The following KCNIP4 variants were observed in gnomAD, a reference collection of about 807,000 sequenced individuals.
KCNIP4 encodes the protein potassium voltage-gated channel interacting protein 4.
KCNIP4 carries 12 observed loss-of-function variants against 34.0 expected under a neutral mutation model. That is an observed-to-expected ratio of 0.35 (90% CI 0.23 to 0.57). The LOEUF (loss-of-function observed/expected upper bound fraction) is 0.57. Among genes scored for constraint, KCNIP4 ranks in the 20% least tolerant of loss-of-function variants. The pLI is 0.83. For synonymous variants in KCNIP4, 124 were observed against 102.2 expected, an observed-to-expected ratio of 1.21 and a Z score of -1.29; for missense variants, 238 against 311.7, an observed-to-expected ratio of 0.76 and a Z score of 1.78.
intron 1 of KCNIP4, among the ~76,000 whole-genome samples, chr4:21,532,408 T>C (rs138693303): frequency 7.6e-4 from 116 of 152,308 alleles, no homozygotes; most frequent in Middle Eastern, 3.4e-3. Flanking sequence ...GATACATTTT[T>C]TATTACAACA....
intron 3 of KCNIP4, among the ~76,000 whole-genome samples, chr4:20,832,264 C>T (rs994335840): frequency 3.3e-5 from 5 of 151,890 alleles, no homozygotes; most frequent in Admixed American, 2.0e-4. Flanking sequence ...AGTATGATTT[C>T]GAAAAGTATA....
chr4:20,735,964 C>T (rs1749536354), intron 5 of KCNIP4, among the ~76,000 whole-genome samples: 1 of 152,200 alleles, frequency 6.6e-6, no homozygotes, highest in Non-Finnish European at 1.5e-5. Context: ...TGCATTATAT[C>T]TCCCTTTCTC....
At chr4:20,765,915 A>T (rs559061039) in intron 3 of KCNIP4, among the ~76,000 whole-genome samples, 73 of 152,334 alleles carry the variant, frequency 4.8e-4, no homozygotes, top group Non-Finnish European at 1.0e-3. Context: ...GGTCAAGATT[A>T]GTTGTAGATA....
chr4:21,297,758 G>A (rs1763924543), intron 1 of KCNIP4, among the ~76,000 whole-genome samples: 1 of 143,304 alleles, frequency 7.0e-6, no homozygotes, highest in African/African-American at 2.5e-5. Context: ...TCATTTTTCT[G>A]GGTTCACTAT....
intron 1 of KCNIP4, among the ~76,000 whole-genome samples, chr4:21,463,037 T>G (rs1446932652): frequency 1.3e-5 from 2 of 151,964 alleles, no homozygotes; most frequent in African/African-American, 4.8e-5. Flanking sequence ...TATCCAGCAG[T>G]GGGATTGCTG....
intron 1 of KCNIP4, among the ~76,000 whole-genome samples, chr4:21,200,184 G>T (rs1441065870): frequency 6.6e-6 from 1 of 151,404 alleles, no homozygotes; most frequent in East Asian, 2.0e-4. Flanking sequence ...AGAATTTAAA[G>T]TATTAAAAAA....
chr4:21,184,026 C>T (rs1403569368), intron 1 of KCNIP4, among the ~76,000 whole-genome samples: 1 of 152,008 alleles, frequency 6.6e-6, no homozygotes, highest in African/African-American at 2.4e-5. Flanking sequence ...TATATTGCTG[C>T]TTGTTTTCTT....
Position 21,704,663 on chromosome 4 carries a change from T to C in KCNIP4, c.61+243908A>G, listed in dbSNP as rs972862320. Among the ~76,000 whole-genome samples, 6 of 152,174 alleles carry C rather than the reference T, an allele frequency of 3.9e-5. No individual in the cohort carries two copies. The East Asian group carries it at 1.2e-3, about 29-fold the overall frequency. On this transcript the variant is annotated intron_variant, in intron 1 of 8. Coordinates refer to ENST00000382152, the MANE Select transcript of KCNIP4 (RefSeq NM_025221.6). ...GCAGACTAAAACTACAATGAGTTAT[T>C]ACTACACATCTATTAGAATGGCTAA...
At chr4:21,860,032 C>T (rs995560330) in intron 1 of KCNIP4, among the ~76,000 whole-genome samples, 6 of 152,216 alleles carry the variant, frequency 3.9e-5, no homozygotes, top group East Asian at 1.9e-4. Flanking sequence ...CTGAGAGAGA[C>T]GCTATCTAAA....
chr4:21,489,810 C>A (rs1450598966), intron 1 of KCNIP4, among the ~76,000 whole-genome samples: 1 of 151,990 alleles, frequency 6.6e-6, no homozygotes, highest in Admixed American at 6.6e-5. Context: ...TCTTTAATCC[C>A]AAACTGTTCA....
intron 1 of KCNIP4, among the ~76,000 whole-genome samples, chr4:21,446,692 AACATGGC>A (rs1728027833): frequency 6.6e-6 from 1 of 151,940 alleles, no homozygotes; most frequent in South Asian, 2.1e-4. Flanking sequence ...GCAGCACACC[AACATGGC>A]ACATGTATAC....
chr4:21,531,685 C>A (rs1198087738), intron 1 of KCNIP4, among the ~76,000 whole-genome samples: 3 of 151,802 alleles, frequency 2.0e-5, no homozygotes, highest in Non-Finnish European at 4.4e-5. Context: ...CCTAAAGCTG[C>A]AGTTTCTTTA....
At chr4:21,025,550 T>TTG (rs1740466121) in intron 1 of KCNIP4, among the ~76,000 whole-genome samples, 3 of 68,082 alleles carry the variant, frequency 4.4e-5, no homozygotes, top group Non-Finnish European at 8.8e-5. Context: ...ACTGTTTTTT[T>TTG]TTTTTTTTTT....
At chr4:21,789,897 C>G (rs903191927) in intron 1 of KCNIP4, among the ~76,000 whole-genome samples, 4 of 152,180 alleles carry the variant, frequency 2.6e-5, no homozygotes, top group African/African-American at 7.2e-5. Context: ...ACATCAGATT[C>G]AGTTTGCGTT....
At chr4:21,217,987 G>GTTTT (rs57025407) in intron 1 of KCNIP4, among the ~76,000 whole-genome samples, 13,712 of 145,310 alleles carry the variant, frequency 0.094, 2,066 homozygotes, top group African/African-American at 0.32. Context: ...CCCCTGTATA[G>GTTTT]TTTTTTTTTT....
chr4:21,584,947 T>C (rs1211967793), intron 1 of KCNIP4, among the ~76,000 whole-genome samples: 1 of 151,308 alleles, frequency 6.6e-6, no homozygotes, highest in Non-Finnish European at 1.5e-5. Flanking sequence ...AGTTTTATTT[T>C]ATTTCATTTT....
intron 1 of KCNIP4, among the ~76,000 whole-genome samples, chr4:21,924,400 C>A (rs1313867946): frequency 6.6e-6 from 1 of 151,952 alleles, no homozygotes; most frequent in Non-Finnish European, 1.5e-5. Flanking sequence ...CCCACCACCA[C>A]ACCTGGCTAA....
In KCNIP4 at chr4:21,580,760, C is replaced by A. The variant is rs138754181; in HGVS notation, c.61+367811G>T. ...ACTTCCCTCTCCTCTAGAAAATCAT[C>A]TAGGCATTTAGTCAACAAGTACCTT... is the stretch of plus-strand genomic sequence containing the variant. On this transcript the variant is annotated intron_variant, in intron 1 of 8. Transcript: ENST00000382152. Among the ~76,000 whole-genome samples the A allele has an allele frequency of 8.0e-4, 122 of 152,188 alleles. 1 individual carries two copies. Among genetic ancestry groups the A allele is most frequent in the African/African-American group, 2.8e-3 (118 of 41,554 alleles).
At chr4:21,889,340 T>C (rs1726958966) in intron 1 of KCNIP4, among the ~76,000 whole-genome samples, 1 of 152,038 alleles carries the variant, frequency 6.6e-6, no homozygotes, top group Admixed American at 6.6e-5. Flanking sequence ...CCCCAAGATA[T>C]CTCATTAATT....
Sources: gnomAD v4.1 joint callset for allele counts (sites outside exome capture counted in the v4.1 genomes callset) on GRCh38, gnomAD v4.1.1 for gene constraint, MANE v1.5 for transcripts, NCBI Gene and HGNC (gene_info 2026-07-23, HGNC 2026-07-21) for gene names.